The following CNKSR2 variants were observed in gnomAD, a reference collection of about 807,000 sequenced individuals.
CNKSR2 encodes CNK homolog protein 2.
In CNKSR2, 14 loss-of-function variants were observed where a neutral mutation model predicts 84.4. The ratio of observed to expected loss-of-function variants is 0.17; its 90% confidence interval spans 0.11 to 0.26. The LOEUF (loss-of-function observed/expected upper bound fraction) is 0.26, where lower values mean the gene tolerates loss of function less well. CNKSR2 is among the 10% of genes least tolerant of loss of function. The pLI is 1.00. For synonymous variants in CNKSR2, 275 were observed against 277.9 expected (o/e 0.99, Z 0.10); for missense variants, 485 against 771.2 (o/e 0.63, Z 4.40).
intron 13 of CNKSR2, among the ~76,000 whole-genome samples, chrX:21,585,576 T>C (rs973910453): frequency 1.5e-4 from 17 of 110,443 alleles, no homozygotes; most frequent in African/African-American, 4.6e-4. Flanking sequence ...AAAAATGTAA[T>C]TACTATTTAA....
intron 1 of CNKSR2, chrX:21,424,148 T>C (rs2090535077): frequency 9.0e-6 from 1 of 111,427 alleles, no homozygotes; most frequent in Admixed American, 9.5e-5. Context: ...CAGCAGTCTC[T>C]TTGACACGAC....
chrX:21,563,181 T>C (rs2092207661), intron 12 of CNKSR2, 57 bp from the exon 13 acceptor site: 1 of 915,534 alleles, frequency 1.1e-6, no homozygotes, highest in Admixed American at 3.4e-5. Flanking sequence ...TGAGAAAGAA[T>C]GGTAAATTTG....
At chrX:21,627,703 T>G (rs2147313682) in intron 20 of CNKSR2, among the ~76,000 whole-genome samples, 1 of 111,585 alleles carries the variant, frequency 9.0e-6, no homozygotes, top group South Asian at 3.8e-4. Flanking sequence ...ACTTATTCAC[T>G]ATCATAAGAC....
intron 20 of CNKSR2, chrX:21,643,336 T>C (rs2092697522): frequency 8.9e-6 from 1 of 111,876 alleles, no homozygotes; most frequent in Admixed American, 9.5e-5. Context: ...TCGTAAATAC[T>C]GTAGTGCCCT....
intron 9 of CNKSR2, among the ~76,000 whole-genome samples, chrX:21,517,724 TA>T (rs200215331): frequency 2.7e-5 from 3 of 109,316 alleles, no homozygotes; most frequent in African/African-American, 3.3e-5. Context: ...AGAAGTTAAT[TA>T]AAAAAAAATA....
At chrX:21,641,814 T>C in intron 20 of CNKSR2, 1 of 967,535 alleles carries the variant, frequency 1.0e-6, no homozygotes, top group Non-Finnish European at 1.3e-6. Flanking sequence ...AGGCCACTCT[T>C]AAGAAGAATG....
chrX:21,573,156 C>A (rs1000816744), intron 13 of CNKSR2, among the ~76,000 whole-genome samples: 2 of 112,400 alleles, frequency 1.8e-5, no homozygotes, highest in Non-Finnish European at 3.8e-5. Flanking sequence ...TCCTTTGACT[C>A]CATGTCTCAC....
intron 20 of CNKSR2, among the ~76,000 whole-genome samples, chrX:21,638,622 T>C (rs908845852): frequency 1.4e-4 from 16 of 111,723 alleles, no homozygotes; most frequent in Admixed American, 4.8e-4. Context: ...TGATGAGTAG[T>C]AGCTTAATAA....
At chrX:21,378,261 C>A (rs7066120) in intron 1 of CNKSR2, among the ~76,000 whole-genome samples, 1,689 of 111,487 alleles carry the variant, frequency 0.015, 19 homozygotes, top group African/African-American at 0.052. Flanking sequence ...TGGAGAAAAT[C>A]AAATACTCAT....
chrX:21,649,811 C>G (rs1170561465), intron 21 of CNKSR2, among the ~76,000 whole-genome samples: 2 of 111,659 alleles, frequency 1.8e-5, no homozygotes, highest in African/African-American at 6.5e-5. Flanking sequence ...ATGCAGCCAA[C>G]AAACATGAAA....
At chrX:21,475,740 T>C (rs931827263) in intron 5 of CNKSR2, among the ~76,000 whole-genome samples, 1 of 111,486 alleles carries the variant, frequency 9.0e-6, no homozygotes, top group South Asian at 3.8e-4. Context: ...ACTTATCACT[T>C]ATGAAAACTT....
chrX:21,527,564 T>A (rs773796158), intron 10 of CNKSR2, among the ~76,000 whole-genome samples: 46 of 111,050 alleles, frequency 4.1e-4, no homozygotes, highest in Non-Finnish European at 6.6e-4. Flanking sequence ...ACCCTTAAAG[T>A]CTATTTTCTA....
chrX:21,634,856 T>C (rs777347886), intron 20 of CNKSR2, among the ~76,000 whole-genome samples: 2 of 107,954 alleles, frequency 1.9e-5, no homozygotes, highest in Non-Finnish European at 3.8e-5. Flanking sequence ...TTCACAAAGA[T>C]CTATGTTATA....
intron 6 of CNKSR2, among the ~76,000 whole-genome samples, chrX:21,495,960 A>G (rs1486724404): frequency 2.7e-5 from 3 of 109,618 alleles, no homozygotes; most frequent in Non-Finnish European, 5.7e-5. Flanking sequence ...ACAAACCTAG[A>G]TAGTACAGCC....
chrX:21,472,373 T>C (rs1472955378), intron 5 of CNKSR2, among the ~76,000 whole-genome samples: 1 of 112,087 alleles, frequency 8.9e-6, no homozygotes, highest in Non-Finnish European at 1.9e-5. Flanking sequence ...GTTAACATTT[T>C]TTTCTTTATC....
chrX:21,515,764 C>T (rs2091722260), intron 8 of CNKSR2, among the ~76,000 whole-genome samples: 1 of 111,501 alleles, frequency 9.0e-6, no homozygotes, highest in African/African-American at 3.3e-5. Flanking sequence ...TTATCAAGTA[C>T]TTTGATTTAA....
chrX:21,404,940 G>A (rs1425545302), intron 1 of CNKSR2, among the ~76,000 whole-genome samples: 2 of 110,445 alleles, frequency 1.8e-5, no homozygotes, highest in Admixed American at 9.7e-5. Flanking sequence ...AAATCAAAAT[G>A]ATAAACCTCA....
intron 20 of CNKSR2, among the ~76,000 whole-genome samples, chrX:21,611,016 G>C (rs947915388): frequency 8.9e-6 from 1 of 111,891 alleles, no homozygotes; most frequent in Non-Finnish European, 1.9e-5. Context: ...CATTATAAAA[G>C]GTACGTTGTT....
chrX:21,404,869 G>A (rs1390334230), intron 1 of CNKSR2, among the ~76,000 whole-genome samples: 1 of 108,452 alleles, frequency 9.2e-6, no homozygotes, highest in East Asian at 2.8e-4. Context: ...AGAGCCAGGC[G>A]TTCTAACACA....
Sources: gnomAD v4.1 joint callset for allele counts (sites outside exome capture counted in the v4.1 genomes callset) on GRCh38, gnomAD v4.1.1 for gene constraint, MANE v1.5 for transcripts, NCBI Gene and HGNC (gene_info 2026-07-23, HGNC 2026-07-21) for gene names.